C11orf65: variants seen among roughly 807,000 people sequenced by gnomAD.
C11orf65 encodes the protein protein MFI.
In C11orf65, 38 loss-of-function variants were observed where a neutral mutation model predicts 35.3. The ratio of observed to expected loss-of-function variants is 1.08; its 90% CI spans 0.83 to 1.41. The LOEUF (loss-of-function observed/expected upper bound fraction) is 1.41. Ranked by LOEUF, C11orf65 falls within the 40% of genes most tolerant of loss-of-function variation. The probability of loss-of-function intolerance (pLI) is 0.00; values close to 1 mark genes in which losing one functional copy is unlikely to be tolerated. For missense variants in C11orf65, 370 were observed against 367.1 expected (o/e 1.01, Z -0.06); for synonymous variants, 105 against 114.4 (o/e 0.92, Z 0.53).
chr11:108,319,838 T>G (rs971488187), intron 6 of C11orf65: 1 of 727,158 alleles, frequency 1.4e-6, no homozygotes, highest in Non-Finnish European at 2.3e-6. Flanking sequence ...AGAAATGCAT[T>G]TTTTAGAATG....
At chr11:108,404,959 G>C (rs957330302) in intron 6 of C11orf65, among the ~76,000 whole-genome samples, 2 of 152,166 alleles carry the variant, frequency 1.3e-5, no homozygotes, top group Non-Finnish European at 2.9e-5. Flanking sequence ...GTAACAGACC[G>C]GGCCGAAGGC....
chr11:108,415,148 C>G (rs903517220), intron 3 of C11orf65, among the ~76,000 whole-genome samples: 2 of 151,960 alleles, frequency 1.3e-5, no homozygotes, highest in Non-Finnish European at 2.9e-5. Flanking sequence ...CACTGGAAGT[C>G]CTAGCTAATG....
chr11:108,353,651 G>A (rs1280780187), intron 2 of C11orf65: 5 of 826,066 alleles, frequency 6.1e-6, no homozygotes, highest in Admixed American at 5.4e-5. Context: ...ACATACTAGT[G>A]TTCATAGAAC....
intron 3 of C11orf65, among the ~76,000 whole-genome samples, chr11:108,423,410 C>T (rs1257750421): frequency 6.6e-6 from 1 of 152,196 alleles, no homozygotes; most frequent in Non-Finnish European, 1.5e-5. Context: ...GGGACATCTG[C>T]AATTACTGAG....
chr11:108,428,812 A>AAAAC (rs756449027), intron 3 of C11orf65, among the ~76,000 whole-genome samples: 7 of 152,324 alleles, frequency 4.6e-5, no homozygotes, highest in South Asian at 4.1e-4. Context: ...AAAGTATTAA[A>AAAAC]AAACAAACAA....
intron 2 of C11orf65, among the ~76,000 whole-genome samples, chr11:108,449,362 A>T (rs1433181200): frequency 6.6e-6 from 1 of 151,972 alleles, no homozygotes; most frequent in Non-Finnish European, 1.5e-5. Context: ...AGCTGGAGGC[A>T]TCACACTACC....
At chr11:108,350,736 T>G (rs1386157327) in intron 2 of C11orf65, among the ~76,000 whole-genome samples, 1 of 152,148 alleles carries the variant, frequency 6.6e-6, no homozygotes, top group Non-Finnish European at 1.5e-5. Context: ...GGAGCCAGAC[T>G]TTATCTGAGA....
At chr11:108,343,940 C>T (rs1470642933) in intron 2 of C11orf65, among the ~76,000 whole-genome samples, 2 of 152,154 alleles carry the variant, frequency 1.3e-5, no homozygotes, top group African/African-American at 4.8e-5. Context: ...TGTTTTCTGT[C>T]TACCAGGTAC....
At position 108,315,710 on chromosome 11, in the gene C11orf65, C is replaced by T. The variant is rs574922832; in HGVS notation, c.641-6639G>A. On this transcript the variant is annotated intron_variant, in intron 6 of 6. Transcript: ENST00000525729. Reference sequence around the variant, plus strand: ...GAATCATTACATTTTATTTCTATAACATAACATTTAGAGTTGGGAGTTACA... The same window carrying T: ...GAATCATTACATTTTATTTCTATAATATAACATTTAGAGTTGGGAGTTACA... 3.7e-5 allele frequency: 28 copies of T among 762,494 alleles called. No individual in the cohort carries two copies. The East Asian group carries it at 7.2e-4, about 20-fold the overall frequency. The allele number at this position is 762,494 out of a possible 1,614,324, so 47.2% of individuals were successfully genotyped here.
At chr11:108,406,308 T>A (rs1222398983) in intron 5 of C11orf65, among the ~76,000 whole-genome samples, 2 of 152,184 alleles carry the variant, frequency 1.3e-5, no homozygotes, top group Non-Finnish European at 2.9e-5. Context: ...TATATTCTTT[T>A]GTGTTTGTTT....
At chr11:108,448,359 G>C (rs2135596926) in intron 2 of C11orf65, among the ~76,000 whole-genome samples, 1 of 152,286 alleles carries the variant, frequency 6.6e-6, no homozygotes, top group Middle Eastern at 3.4e-3. Context: ...CAATATCCTT[G>C]ATGAACATTG....
At position 108,382,940 on chromosome 11, in the gene C11orf65, A is replaced by G; in HGVS notation, c.*81T>C. 7 of 1,577,962 alleles carry G rather than the reference A, an allele frequency of 4.4e-6. No individual in the cohort carries two copies. The highest frequency in any genetic ancestry group is 6.0e-6 in the Non-Finnish European group (7 of 1,170,170). On this transcript the variant is annotated 3_prime_UTR_variant, in exon 9 of 9. Transcript: ENST00000393084. ...CCAGAATATATACACAAGTTATTCC[A>G]GTCAGAATACACTATCTCTTGGCTA...
At chr11:108,420,734 A>G (rs767986213) in intron 3 of C11orf65, among the ~76,000 whole-genome samples, 5 of 152,082 alleles carry the variant, frequency 3.3e-5, no homozygotes, top group Non-Finnish European at 7.4e-5. Flanking sequence ...TGAGCCAAAT[A>G]TTCAATACAA....
intron 2 of C11orf65, among the ~76,000 whole-genome samples, chr11:108,359,896 G>C (rs951123273): frequency 2.6e-5 from 4 of 152,084 alleles, no homozygotes; most frequent in Non-Finnish European, 5.9e-5. Flanking sequence ...GCTAGAAAAG[G>C]AAGAGCAAAC....
At chr11:108,319,758 G>C (rs991549576) in intron 6 of C11orf65, among the ~76,000 whole-genome samples, 30 of 152,104 alleles carry the variant, frequency 2.0e-4, no homozygotes, top group Non-Finnish European at 4.4e-5. Context: ...GAGTATCTGA[G>C]TAATTTCCTT....
downstream of C11orf65, among the ~76,000 whole-genome samples, chr11:108,380,059 G>A (rs2091836896): frequency 6.6e-6 from 1 of 152,156 alleles, no homozygotes. Flanking sequence ...ACCTAATTCA[G>A]TTGCCCAAAT....
chr11:108,313,923 A>C (rs2084384567), intron 6 of C11orf65, among the ~76,000 whole-genome samples: 1 of 152,118 alleles, frequency 6.6e-6, no homozygotes, highest in South Asian at 2.1e-4. Context: ...AGATTGTTTT[A>C]AACAGAATAT....
intron 6 of C11orf65, chr11:108,312,608 C>T (rs1407032174): frequency 1.3e-6 from 1 of 781,134 alleles, no homozygotes; most frequent in East Asian, 2.6e-5. Context: ...AATTTACTTA[C>T]TGGACTAAGC....
At chr11:108,437,276 G>C (rs1028813340) in intron 2 of C11orf65, among the ~76,000 whole-genome samples, 4 of 150,812 alleles carry the variant, frequency 2.7e-5, no homozygotes, top group African/African-American at 9.8e-5. Context: ...GACAGAGCAA[G>C]AACTTGCCTC....
Sources: allele counts gnomAD v4.1 joint callset (sites outside exome capture counted in the v4.1 genomes callset), GRCh38; gene constraint gnomAD v4.1.1; transcripts MANE v1.5; gene names NCBI Gene and HGNC (gene_info 2026-07-23, HGNC 2026-07-21).